The following ACSL3 variants were observed in gnomAD, a reference collection of about 807,000 sequenced individuals.
The protein encoded by ACSL3 is fatty acid CoA ligase Acsl3.
ACSL3 carries 34 observed loss-of-function variants against 84.7 expected under a neutral mutation model. The observed-to-expected ratio is 0.40, with a 90% CI of 0.31 to 0.53. The LOEUF (loss-of-function observed/expected upper bound fraction) is 0.53, where lower values mean the gene tolerates loss of function less well. Ranked by LOEUF, ACSL3 falls within the 20% of genes least tolerant of loss-of-function variation. The pLI is 0.48. For synonymous variants in ACSL3, 315 were observed against 299.4 expected (o/e 1.05, Z -0.54); for missense variants, 680 against 873.1 (o/e 0.78, Z 2.79).
At chr2:222,887,805 G>T (rs568436274) in intron 1 of ACSL3, 25 bp from the exon 2 acceptor site, 1 of 152,100 alleles carries the variant, frequency 6.6e-6, no homozygotes. Flanking sequence ...AGTAATGCTT[G>T]TCTTTTTTAT....
chr2:222,905,231 C>T (rs1173815964), intron 3 of ACSL3, among the ~76,000 whole-genome samples: 3 of 152,204 alleles, frequency 2.0e-5, no homozygotes, highest in African/African-American at 7.2e-5. Context: ...AGGATCACAG[C>T]TCATTGCAGC....
intron 11 of ACSL3, among the ~76,000 whole-genome samples, chr2:222,925,342 CAAAAAAAAA>C (rs34016050): frequency 5.8e-5 from 5 of 85,498 alleles, no homozygotes; most frequent in Non-Finnish European, 9.5e-5. Flanking sequence ...ACTCTTGTCT[CAAAAAAAAA>C]AAAAAAAAAA....
chr2:222,879,434 G>C (rs902160247), intron 1 of ACSL3, among the ~76,000 whole-genome samples: 7 of 152,116 alleles, frequency 4.6e-5, no homozygotes, highest in African/African-American at 1.7e-4. Context: ...GTGTTCCAGC[G>C]ATCTCAGGCT....
intron 11 of ACSL3, 116 bp downstream of exon 11, chr2:222,924,711 C>A: frequency 8.4e-7 from 1 of 1,189,746 alleles, no homozygotes; most frequent in Middle Eastern, 2.2e-4. Flanking sequence ...TTCATAAAGT[C>A]AAGAGAACTC....
At chr2:222,921,149 C>A in intron 7 of ACSL3, 131 bp from the exon 8 acceptor site, 1 of 989,146 alleles carries the variant, frequency 1.0e-6, no homozygotes, top group Non-Finnish European at 1.6e-6. Flanking sequence ...CTCAGTATAA[C>A]TAATATTTGT....
intron 12 of ACSL3, 35 bp from the exon 13 acceptor site, chr2:222,928,827 G>C (rs377459904): frequency 6.4e-7 from 1 of 1,553,050 alleles, no homozygotes. Context: ...ATTAGCTACT[G>C]TTCTCAAATA....
At chr2:222,890,666 G>A (rs2106102401) in intron 2 of ACSL3, among the ~76,000 whole-genome samples, 1 of 152,240 alleles carries the variant, frequency 6.6e-6, no homozygotes, top group South Asian at 2.1e-4. Context: ...TTTTGAGACA[G>A]AGTCTTGGTC....
At chr2:222,866,857 CAG>C (rs1276785470) in intron 1 of ACSL3, among the ~76,000 whole-genome samples, 2 of 124,830 alleles carry the variant, frequency 1.6e-5, no homozygotes, top group African/African-American at 2.9e-5. Flanking sequence ...TTTTTTGAGA[CAG>C]AGTCTTGCTC....
At chr2:222,868,437 GT>G (rs1422502382) in intron 1 of ACSL3, among the ~76,000 whole-genome samples, 2 of 152,226 alleles carry the variant, frequency 1.3e-5, no homozygotes, top group East Asian at 3.9e-4. Flanking sequence ...ATTTTTATTA[GT>G]TTTATTTTTT....
chr2:222,886,233 C>A (rs1695719154), intron 1 of ACSL3, among the ~76,000 whole-genome samples: 1 of 152,086 alleles, frequency 6.6e-6, no homozygotes, highest in South Asian at 2.1e-4. Context: ...CCCCTTACCC[C>A]ACCCACCTAC....
At chr2:222,907,130 T>A (rs1321045354) in intron 3 of ACSL3, among the ~76,000 whole-genome samples, 1 of 152,188 alleles carries the variant, frequency 6.6e-6, no homozygotes, top group Non-Finnish European at 1.5e-5. Context: ...TACTAGGCCA[T>A]CAATGTACCC....
At chr2:222,890,233 A>G (rs1695812398) in intron 2 of ACSL3, among the ~76,000 whole-genome samples, 1 of 152,194 alleles carries the variant, frequency 6.6e-6, no homozygotes, top group South Asian at 2.1e-4. Flanking sequence ...GACTACAGAT[A>G]AGAAACTGGG....
intron 1 of ACSL3, among the ~76,000 whole-genome samples, chr2:222,877,884 C>A (rs951737578): frequency 1.3e-5 from 2 of 152,172 alleles, no homozygotes; most frequent in African/African-American, 4.8e-5. Flanking sequence ...TATAGGTGAT[C>A]ACAGTTTTTG....
At chr2:222,906,679 A>G (rs924258651) in intron 3 of ACSL3, among the ~76,000 whole-genome samples, 126 of 149,268 alleles carry the variant, frequency 8.4e-4, no homozygotes, top group African/African-American at 3.1e-3. Flanking sequence ...CAGTGGCGCT[A>G]TCTCTGCTCA....
chr2:222,926,081 A>G (rs1349082001), intron 11 of ACSL3, among the ~76,000 whole-genome samples: 1 of 152,220 alleles, frequency 6.6e-6, no homozygotes, highest in Non-Finnish European at 1.5e-5. Context: ...TTTAGATTCA[A>G]CCAACCGTGG....
intron 2 of ACSL3, among the ~76,000 whole-genome samples, chr2:222,899,671 G>C (rs1205315919): frequency 6.6e-6 from 1 of 152,104 alleles, no homozygotes; most frequent in African/African-American, 2.4e-5. Context: ...AGAGTAGGAT[G>C]CTCCTGAAAG....
intron 7 of ACSL3, among the ~76,000 whole-genome samples, chr2:222,920,364 C>T (rs1696699742): frequency 2.6e-5 from 4 of 152,162 alleles, no homozygotes; most frequent in Admixed American, 2.6e-4. Flanking sequence ...ATCAGCAATG[C>T]CAACCATGAC....
intron 1 of ACSL3, among the ~76,000 whole-genome samples, chr2:222,873,536 G>T (rs762500266): frequency 6.6e-6 from 1 of 152,154 alleles, no homozygotes; most frequent in Admixed American, 6.5e-5. Flanking sequence ...TGATGAGAAA[G>T]TTTGGAAAAT....
Position 222,920,687 on chromosome 2 carries a change from C to T in ACSL3, c.806-593C>T, listed in dbSNP as rs570032528. On this transcript the variant is annotated intron_variant, in intron 7 of 16. Transcript: ENST00000357430. ...CTTTTTTTTCACAGATAATAACATA[C>T]TCCTGTTCAAAACAACATTGCTTTA... Among the ~76,000 whole-genome samples the T allele has an allele frequency of 3.3e-4, 50 of 152,172 alleles. No homozygotes were observed. In the South Asian group the frequency reaches 0.01, roughly 32 times the overall value.
Sources: allele counts gnomAD v4.1 joint callset (sites outside exome capture counted in the v4.1 genomes callset), GRCh38; gene constraint gnomAD v4.1.1; transcripts MANE v1.5; gene names NCBI Gene and HGNC (gene_info 2026-07-23, HGNC 2026-07-21).